The following RPRD1B variants were observed in gnomAD, a reference collection of about 807,000 sequenced individuals.
The protein encoded by RPRD1B is regulation of nuclear pre-mRNA domain-containing protein 1B.
In RPRD1B, 11 loss-of-function variants were observed where a neutral mutation model predicts 41.5. That is an observed-to-expected ratio of 0.27 (90% CI 0.17 to 0.44). The LOEUF (loss-of-function observed/expected upper bound fraction) is 0.44, where lower values mean the gene tolerates loss of function less well. RPRD1B is among the 20% of genes least tolerant of loss of function. The pLI, the probability that RPRD1B is intolerant of heterozygous loss-of-function variation, is 1.00. For missense variants in RPRD1B, 248 were observed against 389.9 expected (o/e 0.64, Z 3.06); for synonymous variants, 158 against 155.6 (o/e 1.02, Z -0.12).
intron 6 of RPRD1B, chr20:38,070,844 G>A: frequency 1.9e-6 from 1 of 521,046 alleles, no homozygotes; most frequent in Non-Finnish European, 2.4e-6. Flanking sequence ...CGATTCTCGT[G>A]CCTCAGCCTC....
chr20:38,059,658 C>A, intron 5 of RPRD1B, 138 bp downstream of exon 5: 1 of 752,396 alleles, frequency 1.3e-6, no homozygotes, highest in Non-Finnish European at 2.0e-6. Flanking sequence ...TTGGGATTTG[C>A]AAACATAACT....
chr20:38,047,795 A>C (rs1186761635), intron 2 of RPRD1B, among the ~76,000 whole-genome samples: 1 of 152,176 alleles, frequency 6.6e-6, no homozygotes, highest in African/African-American at 2.4e-5. Context: ...CCTTTGTGTG[A>C]ACCTGGACTA....
chr20:38,072,459 C>T (rs2074422256), intron 6 of RPRD1B, among the ~76,000 whole-genome samples: 2 of 152,200 alleles, frequency 1.3e-5, no homozygotes, highest in African/African-American at 4.8e-5. Flanking sequence ...TATGAGTCCT[C>T]AGAGTTCTTT....
chr20:38,079,460 G>A (rs1244555951), intron 6 of RPRD1B, among the ~76,000 whole-genome samples: 1 of 151,970 alleles, frequency 6.6e-6, no homozygotes, highest in African/African-American at 2.4e-5. Flanking sequence ...TCCCTTCTTT[G>A]AGTTCATGTG....
intron 2 of RPRD1B, among the ~76,000 whole-genome samples, chr20:38,047,170 C>T (rs2074129032): frequency 2.0e-5 from 3 of 152,118 alleles, no homozygotes; most frequent in African/African-American, 4.8e-5. Context: ...ATAAAATTAG[C>T]AGTAGAAATG....
chr20:38,062,380 C>G (rs1426340633), intron 5 of RPRD1B, among the ~76,000 whole-genome samples: 1 of 152,140 alleles, frequency 6.6e-6, no homozygotes, highest in East Asian at 1.9e-4. Context: ...TAATTTACAT[C>G]TCTAGTGTTG....
chr20:38,089,011 CAG>C (rs2122778067), intron 6 of RPRD1B, among the ~76,000 whole-genome samples: 1 of 152,278 alleles, frequency 6.6e-6, no homozygotes. Context: ...GGTTGTGAGG[CAG>C]GGGCTGATTT....
intron 6 of RPRD1B, among the ~76,000 whole-genome samples, chr20:38,069,725 G>A (rs558673944): frequency 1.3e-5 from 2 of 152,336 alleles, no homozygotes; most frequent in African/African-American, 2.4e-5. Flanking sequence ...TAGAATTCAA[G>A]ATAGGTTGTC....
At chr20:38,071,695 A>G (rs967225111) in intron 6 of RPRD1B, among the ~76,000 whole-genome samples, 1 of 152,166 alleles carries the variant, frequency 6.6e-6, no homozygotes, top group African/African-American at 2.4e-5. Flanking sequence ...ATCCTCATCA[A>G]CATTTGTTAT....
Position 38,090,734 on chromosome 20 carries a change from CAG to C in RPRD1B, c.*860_*861del. 1.0e-6 allele frequency: 1 copy of C among 985,524 alleles called. No individual in the cohort carries two copies. The highest frequency in any genetic ancestry group is 1.2e-6 in the Non-Finnish European group (1 of 829,980). 61.0% of individuals were successfully genotyped at this position (985,524 alleles called of 1,614,324 possible). A position where few individuals can be genotyped will look rare whatever the true frequency, so the allele number is the denominator to read the frequency against. Reference sequence around the variant, plus strand: ...CTCCAAAAGATGAAGGCCCCACACACAGGTGTGCTGCATTTGGGATCTGTGTG... The same window carrying C: ...CTCCAAAAGATGAAGGCCCCACACACGTGTGCTGCATTTGGGATCTGTGTG... On this transcript the variant is annotated 3_prime_UTR_variant, in exon 7 of 7. Transcript: ENST00000373433.
At chr20:38,067,492 C>T (rs2074369207) in intron 6 of RPRD1B, among the ~76,000 whole-genome samples, 1 of 152,232 alleles carries the variant, frequency 6.6e-6, no homozygotes, top group South Asian at 2.1e-4. Flanking sequence ...AAGGAGGGAA[C>T]ATTGAGCTAT....
At chr20:38,034,184 T>A in intron 1 of RPRD1B, 86 bp downstream of exon 1, 1 of 1,412,388 alleles carries the variant, frequency 7.1e-7, no homozygotes, top group Non-Finnish European at 9.6e-7. Flanking sequence ...GCCTCTTCAT[T>A]GAGCCTTGCT....
At chr20:38,059,267 C>A in intron 4 of RPRD1B, 127 bp from the exon 5 acceptor site, 1 of 963,152 alleles carries the variant, frequency 1.0e-6, no homozygotes, top group Non-Finnish European at 1.5e-6. Flanking sequence ...GGGCTAAGAA[C>A]AGTTTTTTTT....
intron 1 of RPRD1B, 90 bp downstream of exon 1, chr20:38,034,188 C>A (rs930768135): frequency 3.6e-6 from 5 of 1,391,728 alleles, no homozygotes; most frequent in African/African-American, 1.4e-5. Context: ...CTTCATTGAG[C>A]CTTGCTTTCC....
chr20:38,068,863 CAA>C (rs2074384276), intron 6 of RPRD1B, among the ~76,000 whole-genome samples: 1 of 152,162 alleles, frequency 6.6e-6, no homozygotes. Context: ...TCAGATTGTC[CAA>C]AAGTCTCTCT....
chr20:38,062,125 A>G (rs1192371710), intron 5 of RPRD1B, among the ~76,000 whole-genome samples: 1 of 152,198 alleles, frequency 6.6e-6, no homozygotes, highest in Non-Finnish European at 1.5e-5. Context: ...AAGGCATAAG[A>G]TAATTAATTG....
intron 1 of RPRD1B, among the ~76,000 whole-genome samples, chr20:38,034,610 A>AT (rs1314435102): frequency 6.6e-6 from 1 of 152,184 alleles, no homozygotes; most frequent in Non-Finnish European, 1.5e-5. Flanking sequence ...CCTTTACTTC[A>AT]TACCAGTCAC....
In RPRD1B at chr20:38,089,763, G is replaced by T; in HGVS notation, c.869G>T (p.Arg290Leu). 1 of 1,614,102 alleles carries T rather than the reference G, an allele frequency of 6.2e-7. No individual in the cohort carries two copies. Among genetic ancestry groups the T allele is most frequent in the Non-Finnish European group, 8.5e-7 (1 of 1,180,010 alleles). The part of the protein sequence containing the change: ...KQKLARVTQV[R>L]KELKSHIQSL... ...AAGCTTGCACGAGTAACCCAGGTCC[G>T]CAAGGAACTGAAATCCCATATTCAG... The change falls in exon 7 of 7, where the codon CGC becomes CTC. Residue 290 changes from arginine to leucine, a missense_variant. By Grantham distance (102) the Arg-to-Leu change is moderately radical. Around this residue, in one of 5 missense-constraint regions of RPRD1B, gnomAD observed 93 missense variants for 167.2 expected, o/e 0.56. Transcript: ENST00000373433.
In RPRD1B at chr20:38,057,634, G is replaced by T. The variant is rs1295883432; in HGVS notation, c.518G>T (p.Gly173Val). The T allele has an allele frequency of 6.2e-7, 1 of 1,612,488 alleles. No homozygotes were observed. Among genetic ancestry groups the T allele is most frequent in the Non-Finnish European group, 8.5e-7 (1 of 1,178,534 alleles). The change falls in exon 4 of 7, where the codon GGA becomes GTA. Residue 173 changes from glycine to valine, a missense_variant. Transcript: ENST00000373433. ...TACTCTCCTCAGGATCCTTCTGCAG[G>T]ACCCCTCTTGGTAGGTCTTGACCCC... ...GSYSPQDPSA[G>V]PLLTEELIKA...
Sources: gnomAD v4.1 joint callset for allele counts (sites outside exome capture counted in the v4.1 genomes callset) on GRCh38, gnomAD v4.1.1 for gene constraint, gnomAD v4.1.1 regional missense constraint, MANE v1.5 for transcripts, NCBI Gene and HGNC (gene_info 2026-07-23, HGNC 2026-07-21) for gene names.